LRP1B: variants seen among roughly 807,000 people sequenced by gnomAD.
The protein encoded by LRP1B is low-density lipoprotein receptor-related protein 1B.
Under a neutral mutation model 556.6 loss-of-function variants are expected in LRP1B, and 217 were observed. That is an observed-to-expected ratio of 0.39 (90% CI 0.35 to 0.44). The LOEUF is 0.44. LRP1B is among the 20% of genes least tolerant of loss of function. LRP1B has a pLI of 1.00. For missense variants in LRP1B, 5,053 were observed against 5,620.8 expected (o/e 0.90, Z 3.23); for synonymous variants, 2,047 against 1,865.8 (o/e 1.10, Z -2.50).
At chr2:140,297,419 A>G (rs1314465628) in intron 84 of LRP1B, among the ~76,000 whole-genome samples, 1 of 152,084 alleles carries the variant, frequency 6.6e-6, no homozygotes, top group Non-Finnish European at 1.5e-5. Context: ...GATAGAACTG[A>G]AATGAGGCCA....
chr2:140,262,303 G>C (rs538351183), intron 86 of LRP1B, among the ~76,000 whole-genome samples: 6 of 152,162 alleles, frequency 3.9e-5, no homozygotes, highest in South Asian at 4.1e-4. Context: ...AAGTCACACA[G>C]AAATAAAAAA....
At chr2:141,476,976 A>G (rs1682730441) in intron 3 of LRP1B, among the ~76,000 whole-genome samples, 1 of 152,124 alleles carries the variant, frequency 6.6e-6, no homozygotes, top group Non-Finnish European at 1.5e-5. Flanking sequence ...GTACAAAATT[A>G]GCCAGGTGTG....
intron 3 of LRP1B, among the ~76,000 whole-genome samples, chr2:141,473,725 T>C (rs1379992502): frequency 6.6e-6 from 1 of 152,158 alleles, no homozygotes; most frequent in African/African-American, 2.4e-5. Flanking sequence ...CTTATTGATG[T>C]TTCAAGTCAC....
intron 2 of LRP1B, among the ~76,000 whole-genome samples, chr2:141,568,411 T>C (rs376822966): frequency 6.6e-6 from 1 of 151,148 alleles, no homozygotes; most frequent in Non-Finnish European, 1.5e-5. Context: ...TAAAATGAGT[T>C]GAAGTATTTC....
At position 141,295,465 on chromosome 2, in the gene LRP1B, G is replaced by GA. The variant is rs541960832; in HGVS notation, c.344-40825dup. Reference sequence around the variant, plus strand: ...TTTTAATGAATCTCAATTTAGGGAGGAAAAAAAATTGTCAATGGTCTGAAC... The same window carrying GA: ...TTTTAATGAATCTCAATTTAGGGAGGAAAAAAAAATTGTCAATGGTCTGAAC... On this transcript the variant is annotated intron_variant, in intron 3 of 90. Transcript: ENST00000389484. Among the ~76,000 whole-genome samples the GA allele has an allele frequency of 1.4e-3, 211 of 151,776 alleles. 1 individual carries two copies. Among genetic ancestry groups the GA allele is most frequent in the Middle Eastern group, 0.01 (3 of 294 alleles).
chr2:141,701,153 A>G (rs1190632266), intron 2 of LRP1B, among the ~76,000 whole-genome samples: 2 of 151,894 alleles, frequency 1.3e-5, no homozygotes, highest in African/African-American at 2.4e-5. Context: ...AATCTCACTA[A>G]AATGGATCTG....
intron 1 of LRP1B, among the ~76,000 whole-genome samples, chr2:141,971,819 C>A (rs1183331357): frequency 6.6e-6 from 1 of 151,454 alleles, no homozygotes; most frequent in Non-Finnish European, 1.5e-5. Context: ...ATTTATTGAA[C>A]CTGGCAGAGT....
chr2:141,683,485 C>A (rs187751210), intron 2 of LRP1B, among the ~76,000 whole-genome samples: 2 of 152,104 alleles, frequency 1.3e-5, no homozygotes, highest in East Asian at 3.9e-4. Flanking sequence ...GATAATGGAC[C>A]CTTGTTACAC....
intron 1 of LRP1B, among the ~76,000 whole-genome samples, chr2:141,834,961 C>G (rs1406812200): frequency 1.3e-5 from 2 of 151,696 alleles, no homozygotes; most frequent in African/African-American, 4.8e-5. Context: ...GAAAAAAGAC[C>G]TTAGACTTAG....
chr2:141,737,254 AG>A (rs1447996988), intron 2 of LRP1B, among the ~76,000 whole-genome samples: 1 of 152,208 alleles, frequency 6.6e-6, no homozygotes, highest in Non-Finnish European at 1.5e-5. Context: ...TGGGAGGCCA[AG>A]GCAGGAGAAT....
intron 1 of LRP1B, among the ~76,000 whole-genome samples, chr2:141,978,017 C>A (rs897002510): frequency 2.6e-5 from 4 of 152,064 alleles, no homozygotes; most frequent in African/African-American, 9.7e-5. Context: ...TGCATACAGA[C>A]AATATCATAT....
At chr2:140,910,172 G>A (rs1182075980) in intron 21 of LRP1B, among the ~76,000 whole-genome samples, 1 of 150,328 alleles carries the variant, frequency 6.7e-6, no homozygotes, top group East Asian at 1.9e-4. Flanking sequence ...GTAATTTAAT[G>A]TAATAGTAGT....
In LRP1B at chr2:141,252,170, C is replaced by A. The variant is rs559223845; in HGVS notation, c.463+2352G>T. On this transcript the variant is annotated intron_variant, in intron 4 of 90. Coordinates refer to ENST00000389484, the MANE Select transcript of LRP1B (RefSeq NM_018557.3). ...TTGCTCCAACTATGGGGTTGCCTTT[C>A]TCCTGTATCCTCTCACCCCCACCAC... Among the ~76,000 whole-genome samples the A allele has an allele frequency of 1.1e-4, 17 of 151,474 alleles. No individual in the cohort carries two copies. In the East Asian group the frequency reaches 3.3e-3, roughly 29 times the overall value.
intron 2 of LRP1B, among the ~76,000 whole-genome samples, chr2:141,506,077 GA>G (rs1369978882): frequency 6.6e-6 from 1 of 152,038 alleles, no homozygotes; most frequent in Non-Finnish European, 1.5e-5. Context: ...TTAGACAAAC[GA>G]GAGGAGAAAA....
At chr2:141,433,907 A>T (rs1680661313) in intron 3 of LRP1B, among the ~76,000 whole-genome samples, 1 of 149,264 alleles carries the variant, frequency 6.7e-6, no homozygotes, top group Non-Finnish European at 1.5e-5. Flanking sequence ...TGCTATTTTC[A>T]GTACTTTGAA....
At chr2:142,032,669 A>C (rs1020684143) in intron 1 of LRP1B, among the ~76,000 whole-genome samples, 1 of 151,804 alleles carries the variant, frequency 6.6e-6, no homozygotes, top group Non-Finnish European at 1.5e-5. Context: ...AATTATCTTT[A>C]GACATACAGG....
At chr2:141,352,862 C>A (rs1168162684) in intron 3 of LRP1B, among the ~76,000 whole-genome samples, 1 of 151,794 alleles carries the variant, frequency 6.6e-6, no homozygotes, top group African/African-American at 2.4e-5. Context: ...TTGGAGTAGA[C>A]AAGAAGCAGA....
intron 7 of LRP1B, among the ~76,000 whole-genome samples, chr2:141,118,741 A>G (rs1299851999): frequency 1.3e-5 from 2 of 151,934 alleles, no homozygotes; most frequent in African/African-American, 2.4e-5. Flanking sequence ...ATTATCTTCA[A>G]TTAAGAGATG....
chr2:140,927,271 C>T (rs1160622623), intron 20 of LRP1B, among the ~76,000 whole-genome samples: 6 of 152,204 alleles, frequency 3.9e-5, no homozygotes, highest in Non-Finnish European at 7.3e-5. Flanking sequence ...TGCTACTGCA[C>T]TCCAGCCTGG....
Sources: allele counts gnomAD v4.1 joint callset (sites outside exome capture counted in the v4.1 genomes callset), GRCh38; gene constraint gnomAD v4.1.1; transcripts MANE v1.5; gene names NCBI Gene and HGNC (gene_info 2026-07-23, HGNC 2026-07-21).